The following NCOA2 variants were observed in gnomAD, a reference collection of about 807,000 sequenced individuals.
The protein encoded by NCOA2 is nuclear receptor coactivator 2.
In NCOA2, 21 loss-of-function variants were observed where a neutral mutation model predicts 145.1. The ratio of observed to expected loss-of-function variants is 0.14; its 90% CI spans 0.10 to 0.21. The LOEUF is 0.21. Among genes scored for constraint, NCOA2 ranks in the 10% least tolerant of loss-of-function variants. NCOA2 has a pLI of 1.00. For missense variants in NCOA2, 1,472 were observed against 1,837.6 expected, an observed-to-expected ratio of 0.80 and a Z score of 3.64; for synonymous variants, 619 against 637.5, an observed-to-expected ratio of 0.97 and a Z score of 0.44.
the NCOA2 span, among the ~76,000 whole-genome samples, chr8:70,441,042 GAGA>G: frequency 2.6e-5 from 1 of 38,114 alleles, no homozygotes; most frequent in South Asian, 8.5e-4. Context: ...ATGAAAGAAA[GAGA>G]AAGAAAAGAA....
intron 1 of NCOA2, among the ~76,000 whole-genome samples, chr8:70,344,045 T>C (rs1431877579): frequency 1.3e-5 from 2 of 152,190 alleles, no homozygotes; most frequent in Non-Finnish European, 2.9e-5. Flanking sequence ...CTATGTATTC[T>C]ATGGCCAGCA....
rs951421118 is a variant in NCOA2, at chr8:70,403,149, T to C, written c.-77+551A>G. 6.6e-5 allele frequency among the ~76,000 whole-genome samples: 10 copies of C among 151,154 alleles called. No individual in the cohort carries two copies. In the Middle Eastern group the frequency reaches 0.01, roughly 155 times the overall value. On this transcript the variant is annotated intron_variant, in intron 1 of 22. Coordinates refer to ENST00000452400, the MANE Select transcript of NCOA2 (RefSeq NM_006540.4). Reference sequence around the variant, plus strand: ...CCCTCGCCCGGCTCCCACTCTCCGCTGCAGCCGCTCCGCGCTTCCATTAAA... The same window carrying C: ...CCCTCGCCCGGCTCCCACTCTCCGCCGCAGCCGCTCCGCGCTTCCATTAAA...
At chr8:70,361,527 CAT>C (rs756102739) in intron 1 of NCOA2, among the ~76,000 whole-genome samples, 46 of 152,026 alleles carry the variant, frequency 3.0e-4, no homozygotes, top group East Asian at 1.9e-4. Flanking sequence ...AAAAAAATAA[CAT>C]GTATGAAATC....
rs972076411 is a variant in NCOA2 at position 70,112,054 on chromosome 8, T to G, written c.*1578A>C. The G allele has an allele frequency of 1.4e-5, 3 of 210,512 alleles. No individual in the cohort carries two copies. Among genetic ancestry groups the G allele is most frequent in the African/African-American group, 2.3e-5 (1 of 44,076 alleles). 13.0% of individuals were successfully genotyped at this position (210,512 alleles called of 1,614,324 possible). On this transcript the variant is annotated 3_prime_UTR_variant, in exon 23 of 23. Transcript: ENST00000452400. Reference sequence around the variant, plus strand: ...AAGAAAAACAACCATAAAAGTGGCCTGCTTAGTAACATGTAGTCTTTCTAA... The same window carrying G: ...AAGAAAAACAACCATAAAAGTGGCCGGCTTAGTAACATGTAGTCTTTCTAA...
chr8:70,138,361 A>G (rs140013944), intron 14 of NCOA2, 29 bp from the exon 15 acceptor site: 2 of 1,564,762 alleles, frequency 1.3e-6, no homozygotes, highest in East Asian at 4.6e-5. Context: ...AAAATCTTAC[A>G]TCTTTAATCA....
At chr8:70,375,904 C>T (rs913243981) in intron 1 of NCOA2, among the ~76,000 whole-genome samples, 2 of 152,122 alleles carry the variant, frequency 1.3e-5, no homozygotes, top group African/African-American at 4.8e-5. Context: ...CCTACTAATA[C>T]CCATTTGCTC....
Position 70,156,011 on chromosome 8 carries a change from T to C in NCOA2, c.2354A>G (p.Lys785Arg). The change falls in exon 11 of 23, where the codon AAA (lysine) becomes AGA (arginine). Residue 785 changes from lysine (K) to arginine (R), a missense_variant. By Grantham distance (26) the Lys-to-Arg change is conservative. Around this residue, in one of 4 missense-constraint regions of NCOA2, gnomAD observed 953 missense variants for 1,062.1 expected, o/e 0.90. Transcript: ENST00000452400. Reference protein sequence around the residue: ...PASNTKLIAMKTEKEEMSFEP... With the variant: ...PASNTKLIAMRTEKEEMSFEP... ...AAAGCTCATCTCCTCCTTCTCAGTT[T>C]TCATTGCTATTAATTTTGTGTTACT... 1 of 1,599,092 alleles carries C rather than the reference T, an allele frequency of 6.3e-7. No individual in the cohort carries two copies. The highest frequency in any genetic ancestry group is 2.2e-5 in the East Asian group (1 of 44,792).
chr8:70,422,600 G>A, the NCOA2 span, among the ~76,000 whole-genome samples: 8 of 151,952 alleles, frequency 5.3e-5, no homozygotes, highest in Admixed American at 3.3e-4. Flanking sequence ...TGGTAGAGAC[G>A]TGGTCTTACT....
intron 1 of NCOA2, among the ~76,000 whole-genome samples, chr8:70,304,365 T>C (rs1158814302): frequency 2.0e-5 from 3 of 152,192 alleles, no homozygotes; most frequent in Non-Finnish European, 4.4e-5. Flanking sequence ...TTACACCAGA[T>C]AGCCTAGGTA....
rs768076818 is a variant in NCOA2, at chr8:70,131,852, G to A, written c.3309C>T (p.Pro1103=). ...CCGCGCATACCTGGCTGACCAGTTC[G>A]GGTATTCCTAAGGCTCTATCAATCT... is the stretch of plus-strand genomic sequence containing the variant. ...LEEIDRALGI[P]ELVSQSQAVD... The change falls in exon 16 of 23, where the codon CCC becomes CCT. Residue 1103 remains proline, a synonymous_variant. Transcript: ENST00000452400. The A allele has an allele frequency of 5.0e-6, 8 of 1,593,582 alleles. No homozygotes were observed. The highest frequency in any genetic ancestry group is 3.4e-5 in the South Asian group (3 of 87,262).
chr8:70,380,766 T>C (rs1457463997), intron 1 of NCOA2, among the ~76,000 whole-genome samples: 1 of 151,958 alleles, frequency 6.6e-6, no homozygotes, highest in East Asian at 1.9e-4. Context: ...CCACACGAAA[T>C]TTTCTTCTTT....
intron 16 of NCOA2, among the ~76,000 whole-genome samples, chr8:70,129,618 A>G (rs1808856979): frequency 6.6e-6 from 1 of 150,978 alleles, no homozygotes; most frequent in Admixed American, 6.6e-5. Flanking sequence ...CGTGCCCCAC[A>G]TTTTGCCATC....
intron 2 of NCOA2, among the ~76,000 whole-genome samples, chr8:70,248,707 G>C (rs949142857): frequency 6.6e-6 from 1 of 151,896 alleles, no homozygotes; most frequent in Non-Finnish European, 1.5e-5. Context: ...AAATGTAAGT[G>C]CTATGCAAAT....
At position 70,156,221 on chromosome 8, in the gene NCOA2, A is replaced by C. The variant is rs1812274235; in HGVS notation, c.2144T>G (p.Leu715Arg). The change falls in exon 11 of 23, where the codon CTG becomes CGG. Residue 715 changes from leucine to arginine, a missense_variant. Coordinates refer to ENST00000452400, the MANE Select transcript of NCOA2 (RefSeq NM_006540.4). ...AGCTGTGCTGCTGGACTCCTGGCTC[A>C]GGTCTTTGCCTGTGGCTTCTGCTGT... is the stretch of plus-strand genomic sequence containing the variant. ...KLTAEATGKD[L>R]SQESSSTAPG... 3.1e-6 allele frequency: 5 copies of C among 1,613,960 alleles called. No homozygotes were observed. Among genetic ancestry groups the C allele is most frequent in the Non-Finnish European group, 4.2e-6 (5 of 1,179,882 alleles).
At chr8:70,119,912 T>C (rs1272455645) in intron 22 of NCOA2, among the ~76,000 whole-genome samples, 5 of 151,640 alleles carry the variant, frequency 3.3e-5, no homozygotes, top group African/African-American at 1.2e-4. Flanking sequence ...CTCTGTCACC[T>C]AGGCTGGAGT....
the NCOA2 span, among the ~76,000 whole-genome samples, chr8:70,444,628 GGGT>G: frequency 6.6e-6 from 1 of 152,166 alleles, no homozygotes; most frequent in South Asian, 2.1e-4. Context: ...ACTGGGCAAA[GGGT>G]ATATGGGATC....
chr8:70,363,045 T>C (rs909864273), intron 1 of NCOA2, among the ~76,000 whole-genome samples: 3 of 144,000 alleles, frequency 2.1e-5, no homozygotes, highest in African/African-American at 5.2e-5. Flanking sequence ...TGCCACTGCA[T>C]TCCAGCTGGT....
intron 4 of NCOA2, among the ~76,000 whole-genome samples, chr8:70,212,067 A>C (rs1251609196): frequency 1.1e-3 from 1 of 922 alleles, no homozygotes; most frequent in South Asian, 9.4e-3. Context: ...TTTGTGGCGC[A>C]TATATATATA....
At chr8:70,213,082 CA>C (rs1192760540) in intron 4 of NCOA2, among the ~76,000 whole-genome samples, 53 of 52,314 alleles carry the variant, frequency 1.0e-3, no homozygotes, top group African/African-American at 4.2e-3. Flanking sequence ...GAGACTGTCT[CA>C]AAAAAAACAC....
Sources: allele counts gnomAD v4.1 joint callset (sites outside exome capture counted in the v4.1 genomes callset), GRCh38; gene constraint gnomAD v4.1.1; regional missense constraint gnomAD v4.1.1; transcripts MANE v1.5; gene names NCBI Gene and HGNC (gene_info 2026-07-23, HGNC 2026-07-21).